Variants in ADGRL2 observed in about 807,000 individuals in gnomAD.
ADGRL2 encodes the protein calcium-independent alpha-latrotoxin receptor 2.
In ADGRL2, 44 loss-of-function variants were observed where a neutral mutation model predicts 157.4. The observed-to-expected ratio is 0.28, with a 90% CI of 0.22 to 0.36. The LOEUF is 0.36. Among genes scored for constraint, ADGRL2 ranks in the 10% least tolerant of loss-of-function variants. ADGRL2 has a pLI of 1.00. For synonymous variants in ADGRL2, 585 were observed against 624.7 expected (o/e 0.94, Z 0.95); for missense variants, 1,510 against 1,768.9 (o/e 0.85, Z 2.63).
intron 1 of ADGRL2, among the ~76,000 whole-genome samples, chr1:81,431,823 C>A (rs966092010): frequency 3.9e-5 from 6 of 152,128 alleles, no homozygotes; most frequent in African/African-American, 1.4e-4. Context: ...AGGATGAATA[C>A]CTTGCCCTGC....
chr1:81,879,860 C>G (rs542712239), intron 2 of ADGRL2, among the ~76,000 whole-genome samples: 128 of 152,092 alleles, frequency 8.4e-4, no homozygotes, highest in Admixed American at 1.5e-3. Context: ...AACCCTGTCT[C>G]TATTAAAATT....
intron 9 of ADGRL2, among the ~76,000 whole-genome samples, chr1:81,952,532 C>A (rs2172286): frequency 0.28 from 42,100 of 152,006 alleles, 6,360 homozygotes; most frequent in Middle Eastern, 0.37. Context: ...GGAATATTAG[C>A]CACTGACATA....
chr1:81,475,307 G>A (rs140935577), intron 2 of ADGRL2, among the ~76,000 whole-genome samples: 58 of 152,218 alleles, frequency 3.8e-4, no homozygotes, highest in African/African-American at 1.4e-3. Context: ...AAAGATGCAT[G>A]CATAATCAGC....
At chr1:81,313,313 G>T (rs1399610152) in intron 1 of ADGRL2, among the ~76,000 whole-genome samples, 1 of 152,214 alleles carries the variant, frequency 6.6e-6, no homozygotes, top group Non-Finnish European at 1.5e-5. Flanking sequence ...GACCACAGGT[G>T]TAAATTAGCA....
intron 2 of ADGRL2, among the ~76,000 whole-genome samples, chr1:81,866,209 C>T (rs1371918465): frequency 6.6e-6 from 1 of 152,148 alleles, no homozygotes; most frequent in Non-Finnish European, 1.5e-5. Context: ...TGTCATATCA[C>T]TGACTTTTTC....
intron 1 of ADGRL2, among the ~76,000 whole-genome samples, chr1:81,317,420 T>G (rs1660180675): frequency 6.6e-6 from 1 of 152,188 alleles, no homozygotes; most frequent in South Asian, 2.1e-4. Flanking sequence ...CTGGTCTGAT[T>G]GCGATGGCAT....
chr1:81,470,634 T>C (rs1049192667), intron 2 of ADGRL2, among the ~76,000 whole-genome samples: 1 of 152,214 alleles, frequency 6.6e-6, no homozygotes, highest in African/African-American at 2.4e-5. Flanking sequence ...AAGAAACATA[T>C]ACCAGTGAGA....
At chr1:81,491,487 T>C (rs1326410351) in intron 2 of ADGRL2, among the ~76,000 whole-genome samples, 1 of 151,952 alleles carries the variant, frequency 6.6e-6, no homozygotes, top group Non-Finnish European at 1.5e-5. Flanking sequence ...AGCCTAGAGA[T>C]GAAGAGACAC....
chr1:81,319,045 G>A (rs1165068886), intron 1 of ADGRL2, among the ~76,000 whole-genome samples: 1 of 137,904 alleles, frequency 7.3e-6, no homozygotes, highest in African/African-American at 2.7e-5. Context: ...AGGTTCAAGC[G>A]ATTCTCCTGC....
At chr1:81,329,851 GA>G (rs770170717) in intron 1 of ADGRL2, among the ~76,000 whole-genome samples, 11 of 152,088 alleles carry the variant, frequency 7.2e-5, no homozygotes, top group Non-Finnish European at 1.6e-4. Context: ...TGCCTCAACT[GA>G]AACATTATCG....
At chr1:81,758,726 C>T (rs1429619047) in intron 1 of ADGRL2, among the ~76,000 whole-genome samples, 5 of 152,178 alleles carry the variant, frequency 3.3e-5, no homozygotes, top group Non-Finnish European at 5.9e-5. Flanking sequence ...TGGAATATGC[C>T]TACACAAAGG....
chr1:81,967,871 C>T (rs1657597916), intron 13 of ADGRL2, among the ~76,000 whole-genome samples, 155 bp from the exon 14 acceptor site: 1 of 152,106 alleles, frequency 6.6e-6, no homozygotes, highest in Admixed American at 6.5e-5. Context: ...AGATATCTGC[C>T]TTGTATAACA....
intron 2 of ADGRL2, among the ~76,000 whole-genome samples, chr1:81,530,960 T>C (rs947201204): frequency 5.3e-5 from 8 of 151,886 alleles, no homozygotes; most frequent in Admixed American, 5.2e-4. Flanking sequence ...GGCGCACACC[T>C]GTAGTCCTAG....
upstream of ADGRL2, among the ~76,000 whole-genome samples, chr1:81,697,599 T>C (rs1240728746): frequency 6.6e-6 from 1 of 152,140 alleles, no homozygotes; most frequent in African/African-American, 2.4e-5. Context: ...CAGATGTCTT[T>C]TAAAGAATGA....
chr1:81,585,201 A>G (rs1430630131), intron 3 of ADGRL2, among the ~76,000 whole-genome samples: 1 of 152,128 alleles, frequency 6.6e-6, no homozygotes. Context: ...AGACTCACAT[A>G]AGGAAAGCGG....
intron 3 of ADGRL2, among the ~76,000 whole-genome samples, chr1:81,667,527 C>G (rs955149766): frequency 6.6e-6 from 1 of 152,172 alleles, no homozygotes; most frequent in Non-Finnish European, 1.5e-5. Context: ...GAATGTCTTT[C>G]GTCTGTCAAC....
At chr1:81,565,926 A>AGGTG (rs1210155988) in intron 2 of ADGRL2, among the ~76,000 whole-genome samples, 2 of 152,172 alleles carry the variant, frequency 1.3e-5, no homozygotes, top group Non-Finnish European at 2.9e-5. Flanking sequence ...GTACCTTGGA[A>AGGTG]GGTGATGCGA....
chr1:81,474,200 CA>C (rs1465541245), intron 2 of ADGRL2, among the ~76,000 whole-genome samples: 1 of 152,174 alleles, frequency 6.6e-6, no homozygotes, highest in Non-Finnish European at 1.5e-5. Flanking sequence ...ACTGTTAATA[CA>C]TGAAAAATAC....
chr1:81,313,465 T>C (rs999671020), intron 1 of ADGRL2, among the ~76,000 whole-genome samples: 4 of 152,196 alleles, frequency 2.6e-5, no homozygotes, highest in African/African-American at 9.6e-5. Context: ...ACGTGTTAAT[T>C]TCTACGGCTC....
Sources: allele counts gnomAD v4.1 joint callset (sites outside exome capture counted in the v4.1 genomes callset), GRCh38; gene constraint gnomAD v4.1.1; transcripts MANE v1.5; gene names NCBI Gene and HGNC (gene_info 2026-07-23, HGNC 2026-07-21).